The following DOCK9 variants were observed in gnomAD, a reference collection of about 807,000 sequenced individuals.
DOCK9 encodes dedicator of cytokinesis protein 9.
Under a neutral mutation model 263.3 loss-of-function variants are expected in DOCK9, and 89 were observed. The ratio of observed to expected loss-of-function variants is 0.34; its 90% confidence interval spans 0.28 to 0.40. DOCK9 has a LOEUF of 0.40. DOCK9 is among the 10% of genes least tolerant of loss of function. The pLI, the probability that DOCK9 is intolerant of heterozygous loss-of-function variation, is 1.00. For missense variants in DOCK9, 2,140 were observed against 2,603.4 expected (o/e 0.82, Z 3.87); for synonymous variants, 976 against 973.1 (o/e 1.00, Z -0.06).
chr13:98,810,801 T>A (rs2140258903), intron 45 of DOCK9, among the ~76,000 whole-genome samples: 1 of 152,308 alleles, frequency 6.6e-6, no homozygotes, highest in Middle Eastern at 3.4e-3. Flanking sequence ...TTACTCTGCT[T>A]CCACTAAAAC....
intron 45 of DOCK9, among the ~76,000 whole-genome samples, chr13:98,813,627 A>T (rs1472902867): frequency 6.6e-6 from 1 of 151,738 alleles, no homozygotes; most frequent in Non-Finnish European, 1.5e-5. Flanking sequence ...ACTAATATAT[A>T]TTTTTTTAAT....
rs149415993 is a variant in DOCK9, at chr13:98,935,078, G to T, written c.244-4821C>A. ...GATGATATGAGAGAAAAAAGTTAGGGAGTCTAAATTCAGTAAGGTAGAGAA... is the reference window on the plus strand; with the variant it reads ...GATGATATGAGAGAAAAAAGTTAGGTAGTCTAAATTCAGTAAGGTAGAGAA... On this transcript the variant is annotated intron_variant, in intron 2 of 52. Transcript: ENST00000682017. Among the ~76,000 whole-genome samples, 69 of 152,260 alleles carry T rather than the reference G, an allele frequency of 4.5e-4. 4 individuals are homozygous for T. In the East Asian group the frequency reaches 0.013, roughly 29 times the overall value.
intron 35 of DOCK9, among the ~76,000 whole-genome samples, chr13:98,850,609 T>C (rs1265163564): frequency 2.0e-5 from 3 of 152,238 alleles, no homozygotes; most frequent in African/African-American, 7.2e-5. Flanking sequence ...TATTCCTCTA[T>C]GTGGATAGAC....
chr13:98,980,426 G>C (rs1876908165), upstream of DOCK9, among the ~76,000 whole-genome samples: 1 of 152,194 alleles, frequency 6.6e-6, no homozygotes, highest in Non-Finnish European at 1.5e-5. Flanking sequence ...CAGAGAGCAG[G>C]GGCAATATGG....
intron 50 of DOCK9, among the ~76,000 whole-genome samples, chr13:98,799,708 G>A (rs1366178482): frequency 2.0e-5 from 3 of 152,252 alleles, no homozygotes; most frequent in Non-Finnish European, 2.9e-5. Flanking sequence ...AATTCCAGAT[G>A]GACTGCAGAC....
intron 1 of DOCK9, among the ~76,000 whole-genome samples, chr13:99,008,208 CTCTCTATA>C (rs1277710174): frequency 0.037 from 2,675 of 72,582 alleles, 31 homozygotes; most frequent in Non-Finnish European, 0.043. Context: ...CTCTCTCTCT[CTCTCTATA>C]TATATATATA....
chr13:98,878,186 T>G (rs904421619), intron 27 of DOCK9, among the ~76,000 whole-genome samples: 1 of 152,230 alleles, frequency 6.6e-6, no homozygotes, highest in African/African-American at 2.4e-5. Flanking sequence ...TGTGCACAGC[T>G]TGACCCAGGA....
intron 4 of DOCK9, 51 bp downstream of exon 4, chr13:98,925,786 G>T: frequency 1.5e-6 from 2 of 1,291,432 alleles, no homozygotes; most frequent in Non-Finnish European, 2.1e-6. Context: ...CTCCCCCCAA[G>T]CATTTCAAGT....
chr13:98,949,781 G>A (rs1446732387), intron 2 of DOCK9: 3 of 443,628 alleles, frequency 6.8e-6, no homozygotes, highest in Non-Finnish European at 1.3e-5. Flanking sequence ...TCTCCTTGAG[G>A]AAGCCCACTC....
intron 27 of DOCK9, among the ~76,000 whole-genome samples, chr13:98,869,877 G>A (rs2094142842): frequency 1.3e-5 from 2 of 152,254 alleles, no homozygotes; most frequent in Admixed American, 6.5e-5. Flanking sequence ...GGACTGTGCT[G>A]TGGCAGTGAG....
rs779461958 is a variant in DOCK9, at chr13:98,904,714, C to G, written c.961-8G>C. On this transcript the variant is annotated splice_region_variant and splice_polypyrimidine_tract_variant and intron_variant, in intron 9 of 52. Transcript: ENST00000682017. ...TTCTGCTTCTCTTGCACTCTGATAACAAGATACATGAAAATTACATTTAAC... is the reference window on the plus strand; with the variant it reads ...TTCTGCTTCTCTTGCACTCTGATAAGAAGATACATGAAAATTACATTTAAC... The G allele has an allele frequency of 6.5e-7, 1 of 1,547,386 alleles. No homozygotes were observed. Among genetic ancestry groups the G allele is most frequent in the South Asian group, 1.2e-5 (1 of 82,820 alleles).
intron 1 of DOCK9, among the ~76,000 whole-genome samples, chr13:99,061,998 A>G (rs1237161806): frequency 6.6e-6 from 1 of 151,836 alleles, no homozygotes; most frequent in Non-Finnish European, 1.5e-5. Flanking sequence ...CAACCTCCCA[A>G]TTAGCTGGAA....
intron 38 of DOCK9, chr13:98,845,443 TTA>T (rs1157490751): frequency 8.9e-7 from 1 of 1,119,112 alleles, no homozygotes; most frequent in African/African-American, 1.6e-5. Flanking sequence ...TTCATGGGCT[TTA>T]TGTTTTCACA....
chr13:98,955,101 T>G (rs947882804), intron 2 of DOCK9, among the ~76,000 whole-genome samples: 2 of 152,168 alleles, frequency 1.3e-5, no homozygotes, highest in African/African-American at 4.8e-5. Context: ...ATAGATCACT[T>G]AAGGCCAGGA....
chr13:98,950,144 C>T, intron 2 of DOCK9: 2 of 597,456 alleles, frequency 3.3e-6, no homozygotes, highest in Non-Finnish European at 5.9e-6. Flanking sequence ...GTTCTCTGCA[C>T]CAGTGAAGTC....
At chr13:98,983,966 T>A (rs1251679716) in intron 1 of DOCK9, among the ~76,000 whole-genome samples, 5 of 152,156 alleles carry the variant, frequency 3.3e-5, no homozygotes, top group South Asian at 4.1e-4. Flanking sequence ...GTCACAGAAA[T>A]GTAATCCACA....
chr13:98,928,104 G>A (rs1483032935), intron 3 of DOCK9, among the ~76,000 whole-genome samples: 1 of 151,848 alleles, frequency 6.6e-6, no homozygotes, highest in Admixed American at 6.6e-5. Flanking sequence ...TACATAGCAG[G>A]CATTGGCTAA....
chr13:98,862,952 A>C (rs1344009051), intron 32 of DOCK9, 67 bp downstream of exon 32: 2 of 1,378,916 alleles, frequency 1.5e-6, no homozygotes, highest in East Asian at 5.0e-5. Context: ...CACCCAGCTT[A>C]TGGCGCTTTG....
chr13:99,073,872 TCTC>T (rs1268821791), intron 1 of DOCK9, among the ~76,000 whole-genome samples: 1 of 152,190 alleles, frequency 6.6e-6, no homozygotes, highest in African/African-American at 2.4e-5. Context: ...CAGAACTGCT[TCTC>T]CTGTTATCTT....
Sources: allele counts gnomAD v4.1 joint callset (sites outside exome capture counted in the v4.1 genomes callset), GRCh38; gene constraint gnomAD v4.1.1; transcripts MANE v1.5; gene names NCBI Gene and HGNC (gene_info 2026-07-23, HGNC 2026-07-21).